ARHGEF10: variants seen among roughly 807,000 people sequenced by gnomAD.
ARHGEF10 encodes Rho guanine nucleotide exchange factor 10.
ARHGEF10 carries 140 observed loss-of-function variants against 147.4 expected under a neutral mutation model. That is an observed-to-expected ratio of 0.95 (90% CI 0.83 to 1.09). ARHGEF10 has a LOEUF of 1.09. Among genes scored for constraint, ARHGEF10 ranks in the 50% least tolerant of loss-of-function variants. The pLI is 0.00. For missense variants in ARHGEF10, 2,222 were observed against 1,752.7 expected (o/e 1.27, Z -4.78); for synonymous variants, 902 against 695.8 (o/e 1.30, Z -4.67).
At chr8:1,930,584 A>G (rs567551044) in intron 25 of ARHGEF10, among the ~76,000 whole-genome samples, 5 of 148,154 alleles carry the variant, frequency 3.4e-5, no homozygotes, top group Non-Finnish European at 7.4e-5. Flanking sequence ...CTCACAAGGC[A>G]TTCTGCCCTC....
chr8:1,913,328 C>A (rs951406782), intron 18 of ARHGEF10, among the ~76,000 whole-genome samples: 1 of 152,080 alleles, frequency 6.6e-6, no homozygotes, highest in Non-Finnish European at 1.5e-5. Context: ...TTTTATTCAA[C>A]TGGTCTCAAG....
intron 26 of ARHGEF10, among the ~76,000 whole-genome samples, chr8:1,934,648 C>T (rs752915938): frequency 1.3e-5 from 2 of 152,116 alleles, no homozygotes; most frequent in African/African-American, 4.8e-5. Context: ...TTGGAAAACA[C>T]GGAGCTGGCT....
intron 2 of ARHGEF10, among the ~76,000 whole-genome samples, chr8:1,857,283 G>A: frequency 6.6e-6 from 1 of 152,188 alleles, no homozygotes; most frequent in East Asian, 1.9e-4. Context: ...GGTGTCAGAA[G>A]TTATTTCTAA....
rs914492679 is a variant in ARHGEF10 at position 1,859,433 on chromosome 8, C to T, written c.194-464C>T. Among the ~76,000 whole-genome samples the T allele has an allele frequency of 1.1e-3, 166 of 147,478 alleles. 1 individual carries two copies. Among genetic ancestry groups the T allele is most frequent in the Admixed American group, 2.7e-4 (4 of 14,718 alleles). ...ACGGTGTTTCTTTGTGCGCAGCACC[C>T]GCCTCTCTGCTTACATGGTGTTTCT... is the stretch of plus-strand genomic sequence containing the variant. On this transcript the variant is annotated intron_variant, in intron 3 of 28. Coordinates refer to ENST00000349830, the MANE Select transcript of ARHGEF10 (RefSeq NM_014629.4).
rs202177558 is a variant in ARHGEF10 at position 1,880,181 on chromosome 8, G to A, written c.960+17G>A. ...GAACTGAAGGTAGAGTCTTGCCCCC[G>A]GCCGCTGCCCCCACTTGCCAGCCGG... is the stretch of plus-strand genomic sequence containing the variant. On this transcript the variant is annotated intron_variant, in intron 9 of 28. Coordinates refer to ENST00000349830, the MANE Select transcript of ARHGEF10 (RefSeq NM_014629.4). 41 of 1,579,554 alleles carry A rather than the reference G, an allele frequency of 2.6e-5. No homozygotes were observed. The highest frequency in any genetic ancestry group is 1.2e-4 in the African/African-American group (9 of 74,310).
chr8:1,949,865 G>T (rs970488631), intron 27 of ARHGEF10, among the ~76,000 whole-genome samples: 1 of 152,080 alleles, frequency 6.6e-6, no homozygotes, highest in Admixed American at 6.6e-5. Context: ...AGAGCAGAGG[G>T]CGAATCCCCC....
chr8:1,914,700 T>C (rs1225293692), intron 18 of ARHGEF10, among the ~76,000 whole-genome samples: 1 of 152,196 alleles, frequency 6.6e-6, no homozygotes, highest in African/African-American at 2.4e-5. Context: ...TGCTTCTGCG[T>C]CATCTGAACG....
At chr8:1,902,679 G>A (rs573706258) in intron 15 of ARHGEF10, among the ~76,000 whole-genome samples, 4 of 152,104 alleles carry the variant, frequency 2.6e-5, no homozygotes, top group East Asian at 3.9e-4. Context: ...ACTGCCCAGC[G>A]GCCACAGTCG....
In ARHGEF10 at chr8:1,937,296, C is replaced by G. The variant is rs1476408061; in HGVS notation, c.3222+3354C>G. Among the ~76,000 whole-genome samples, 2 of 152,136 alleles carry G rather than the reference C, an allele frequency of 1.3e-5. No homozygotes were observed. The highest frequency in any genetic ancestry group is 2.9e-5 in the Non-Finnish European group (2 of 68,032). ...TGCAGGGTAGCCCCGTGGATGCGGT[C>G]ACAGCTTCTTGAGTTTTTCACAGCC... On this transcript the variant is annotated intron_variant, in intron 26 of 28. Transcript: ENST00000349830. This position sits in a 1 kb window ranked among gnomAD's most constrained non-coding sequence, Gnocchi z 4.9.
chr8:1,903,936 G>GAA, intron 16 of ARHGEF10: 3 of 188,140 alleles, frequency 1.6e-5, no homozygotes, highest in South Asian at 9.7e-5. Flanking sequence ...TCTAAAAAAA[G>GAA]AAAAAAAAAA....
chr8:1,841,973 GGCCGCGGCGGGAAC>G lies in ARHGEF10; in HGVS notation c.-47-1379_-47-1366del, dbSNP rs1563161908. On this transcript the variant is annotated intron_variant, in intron 1 of 28. Transcript: ENST00000349830. ...GAACTGGGGCCGCGACCGGAACTGGGGCCGCGGCGGGAACTGGGGCCGCGGCGGGAACTGGGGCC... is the reference window on the plus strand; with the variant it reads ...GAACTGGGGCCGCGACCGGAACTGGGTGGGGCCGCGGCGGGAACTGGGGCC... 6.9e-3 allele frequency among the ~76,000 whole-genome samples: 445 copies of G among 64,720 alleles called. 65 individuals carry two copies. Among genetic ancestry groups the G allele is most frequent in the African/African-American group, 0.022 (352 of 15,952 alleles). 42.5% of individuals were successfully genotyped at this position (64,720 alleles called of 152,430 possible).
chr8:1,865,319 G>A (rs1032369720), intron 5 of ARHGEF10, among the ~76,000 whole-genome samples: 1 of 151,878 alleles, frequency 6.6e-6, no homozygotes, highest in Non-Finnish European at 1.5e-5. Context: ...CACCCAGGGG[G>A]CCGTCACCAG....
Position 1,888,170 on chromosome 8 carries a change from A to ATG in ARHGEF10, c.1182+2463_1182+2464insTG, listed in dbSNP as rs1808897914. Among the ~76,000 whole-genome samples, 5 of 65,102 alleles carry ATG rather than the reference A, an allele frequency of 7.7e-5. 1 individual carries two copies. Among genetic ancestry groups the ATG allele is most frequent in the African/African-American group, 2.9e-4 (3 of 10,174 alleles). 42.7% of individuals were successfully genotyped at this position (65,102 alleles called of 152,430 possible). ...TTAGTGGGGCGAGGGTTGCGAGGAG[A>ATG]CAGTGAGTGGGGTGAGGGTTTGCGA... On this transcript the variant is annotated intron_variant, in intron 11 of 28. Coordinates refer to ENST00000349830, the MANE Select transcript of ARHGEF10 (RefSeq NM_014629.4).
chr8:1,829,237 C>G (rs1424662198), intron 1 of ARHGEF10, among the ~76,000 whole-genome samples: 1 of 152,260 alleles, frequency 6.6e-6, no homozygotes, highest in East Asian at 1.9e-4. Flanking sequence ...CCTCCTGGTT[C>G]AGAAGCTCCG....
intron 26 of ARHGEF10, among the ~76,000 whole-genome samples, chr8:1,935,502 T>C (rs1363657817): frequency 6.6e-6 from 1 of 152,186 alleles, no homozygotes; most frequent in East Asian, 1.9e-4. Context: ...GTGCCATTTC[T>C]TCAGATTGAC....
intron 8 of ARHGEF10, among the ~76,000 whole-genome samples, chr8:1,879,190 C>A (rs1389574498): frequency 1.3e-5 from 2 of 152,268 alleles, no homozygotes; most frequent in South Asian, 4.1e-4. Context: ...GGGGCCTCAG[C>A]CACGTGCATC....
chr8:1,945,590 A>C lies in ARHGEF10; in HGVS notation c.3332A>C (p.His1111Pro). ...TCAGGGTCCACGCTCCGCCTTTTTCACACGGAAACTCTCAAGCACCTGCAG... is the reference window on the plus strand; with the variant it reads ...TCAGGGTCCACGCTCCGCCTTTTTCCCACGGAAACTCTCAAGCACCTGCAG... ...FTSGSTLRLF[H>P]TETLKHLQDI... The change falls in exon 27 of 29, where the codon CAC becomes CCC. Residue 1111 changes from histidine to proline, a missense_variant. By Grantham distance (77) the His-to-Pro change is moderately conservative. Coordinates refer to ENST00000349830, the MANE Select transcript of ARHGEF10 (RefSeq NM_014629.4). 1 of 1,614,154 alleles carries C rather than the reference A, an allele frequency of 6.2e-7. No individual in the cohort carries two copies. Among genetic ancestry groups the C allele is most frequent in the Non-Finnish European group, 8.5e-7 (1 of 1,180,018 alleles).
chr8:1,896,900 T>C (rs1337369175), intron 14 of ARHGEF10, among the ~76,000 whole-genome samples: 2 of 152,206 alleles, frequency 1.3e-5, no homozygotes, highest in African/African-American at 2.4e-5. Context: ...AGGACAGCAC[T>C]GATGGCCTTC....
intron 11 of ARHGEF10, among the ~76,000 whole-genome samples, chr8:1,892,740 C>T (rs145659675): frequency 9.6e-4 from 146 of 151,988 alleles, no homozygotes; most frequent in Middle Eastern, 6.8e-3. Context: ...TGTGCCCGGG[C>T]GTGTGTTCAT....
Sources: allele counts gnomAD v4.1 joint callset (sites outside exome capture counted in the v4.1 genomes callset), GRCh38; gene constraint gnomAD v4.1.1; non-coding constraint Gnocchi (gnomAD v3.1); transcripts MANE v1.5; gene names NCBI Gene and HGNC (gene_info 2026-07-23, HGNC 2026-07-21).